TENM3: variants seen among roughly 807,000 people sequenced by gnomAD.
TENM3 encodes teneurin transmembrane protein 3, also known as teneurin-3.
TENM3 carries 63 observed loss-of-function variants against 255.1 expected under a neutral mutation model. The observed-to-expected ratio is 0.25, with a 90% CI of 0.20 to 0.30. TENM3 has a LOEUF of 0.30. TENM3 is among the 10% of genes least tolerant of loss of function. The pLI is 1.00. For missense variants in TENM3, 2,929 were observed against 3,461.1 expected, an observed-to-expected ratio of 0.85 and a Z score of 3.86; for synonymous variants, 1,306 against 1,322.3, an observed-to-expected ratio of 0.99 and a Z score of 0.27.
At chr4:182,327,084 T>C (rs1033838031) in intron 2 of TENM3, among the ~76,000 whole-genome samples, 1 of 152,194 alleles carries the variant, frequency 6.6e-6, no homozygotes, top group South Asian at 2.1e-4. Flanking sequence ...ATTATGTTTT[T>C]CTTGAGCAAG....
the TENM3 span, among the ~76,000 whole-genome samples, chr4:181,994,429 A>G: frequency 3.9e-5 from 6 of 152,166 alleles, no homozygotes; most frequent in Non-Finnish European, 8.8e-5. Flanking sequence ...GTCTGTCAGT[A>G]AAAAGACATA....
At chr4:182,538,963 C>T (rs1004580039) in intron 3 of TENM3, among the ~76,000 whole-genome samples, 2 of 151,684 alleles carry the variant, frequency 1.3e-5, no homozygotes, top group Non-Finnish European at 2.9e-5. Context: ...GATGTCAAGC[C>T]ACTAGATCTG....
chr4:182,644,700 ATTAT>A (rs922460944), intron 5 of TENM3, among the ~76,000 whole-genome samples: 1 of 152,198 alleles, frequency 6.6e-6, no homozygotes, highest in Non-Finnish European at 1.5e-5. Flanking sequence ...TTTTTTCTTA[ATTAT>A]TGGAAAAATC....
chr4:181,713,218 C>T, the TENM3 span, among the ~76,000 whole-genome samples: 1 of 152,160 alleles, frequency 6.6e-6, no homozygotes, highest in Non-Finnish European at 1.5e-5. Flanking sequence ...GAGTCACTTT[C>T]CATGGTCCCA....
chr4:182,748,663 T>C (rs1762172703), intron 19 of TENM3, among the ~76,000 whole-genome samples: 1 of 152,182 alleles, frequency 6.6e-6, no homozygotes, highest in Admixed American at 6.5e-5. Context: ...GATCCCTCTT[T>C]TCATTTAGGA....
Position 182,679,856 on chromosome 4 carries a change from C to T in TENM3, c.1517C>T (p.Ser506Phe). The stretch of plus-strand genomic sequence containing the variant: ...GATGGGAAAAATGCAGAGCAGGTGT[C>T]TTTTAATACCATTGTTATAGGTAAG... Reference protein sequence around the residue: ...YNDGKNAEQVSFNTIVIESVV... With the variant: ...YNDGKNAEQVFFNTIVIESVV... Residue 506 changes from serine (S) to phenylalanine (F), a missense_variant, in exon 8 of 28, where the codon TCT (serine) becomes TTT (phenylalanine). Coordinates refer to ENST00000511685, the MANE Select transcript of TENM3 (RefSeq NM_001080477.4). 6.2e-7 allele frequency: 1 copy of T among 1,611,250 alleles called. No individual in the cohort carries two copies. Among genetic ancestry groups the T allele is most frequent in the African/African-American group, 1.3e-5 (1 of 75,028 alleles).
At position 182,775,052 on chromosome 4, in the gene TENM3, A is replaced by G. The variant is rs1353017687; in HGVS notation, c.5203A>G (p.Asn1735Asp). Residue 1735 changes from asparagine to aspartate, a missense_variant, in exon 24 of 28, where the codon AAC becomes GAC. Asn to Asp is a conservative substitution (Grantham distance 23). Transcript: ENST00000511685. ...GTANPTVAKR[N>D]MTLPGENGQN... The stretch of plus-strand genomic sequence containing the variant: ...CGCTAATCCGACGGTTGCCAAAAGA[A>G]ACATGACTTTGCCTGGCGAGAACGG... 1 of 1,614,060 alleles carries G rather than the reference A, an allele frequency of 6.2e-7. No individual in the cohort carries two copies. The highest frequency in any genetic ancestry group is 1.7e-5 in the Admixed American group (1 of 60,032).
chr4:181,525,080 A>G, the TENM3 span, among the ~76,000 whole-genome samples: 1 of 152,204 alleles, frequency 6.6e-6, no homozygotes, highest in Non-Finnish European at 1.5e-5. Flanking sequence ...AAAACAGAAT[A>G]TCGAAAGTTT....
At chr4:181,477,063 A>AATTCATTCATTC in the TENM3 span, among the ~76,000 whole-genome samples, 2 of 150,154 alleles carry the variant, frequency 1.3e-5, no homozygotes, top group African/African-American at 4.9e-5. Context: ...AGGAAAACCC[A>AATTCATTCATTC]ATTCATTCAT....
At chr4:182,142,981 C>G, upstream of TENM3, 2 of 168,104 alleles carry the variant, frequency 1.2e-5, no homozygotes. Flanking sequence ...GGAGGGCTTT[C>G]CTGCAGACAG....
the TENM3 span, among the ~76,000 whole-genome samples, chr4:182,085,597 A>G: frequency 6.6e-6 from 1 of 152,140 alleles, no homozygotes; most frequent in African/African-American, 2.4e-5. Flanking sequence ...TCTTCAATTC[A>G]CACTTAAAAG....
intron 3 of TENM3, among the ~76,000 whole-genome samples, chr4:182,562,220 G>A (rs1404056597): frequency 6.6e-6 from 1 of 152,064 alleles, no homozygotes; most frequent in African/African-American, 2.4e-5. Context: ...TTTTAATTTT[G>A]AGCCACTATT....
chr4:181,725,450 C>A, the TENM3 span, among the ~76,000 whole-genome samples: 5 of 126,574 alleles, frequency 4.0e-5, no homozygotes, highest in African/African-American at 8.9e-5. Flanking sequence ...AAATCGCCAG[C>A]TTTCTTGTTT....
chr4:182,042,613 A>G, the TENM3 span, among the ~76,000 whole-genome samples: 1 of 152,244 alleles, frequency 6.6e-6, no homozygotes, highest in Non-Finnish European at 1.5e-5. Flanking sequence ...CTTTCTAAAT[A>G]AATTACAAAA....
At chr4:182,243,940 T>C (rs1334372874) in intron 1 of TENM3, among the ~76,000 whole-genome samples, 2 of 147,938 alleles carry the variant, frequency 1.4e-5, no homozygotes, top group African/African-American at 2.5e-5. Context: ...GAATCATTTG[T>C]GTTTTCTTTT....
At chr4:181,461,317 C>T in the TENM3 span, among the ~76,000 whole-genome samples, 2 of 151,808 alleles carry the variant, frequency 1.3e-5, no homozygotes, top group Non-Finnish European at 2.9e-5. Flanking sequence ...TTCTCTTTAT[C>T]GTTGCTATTT....
chr4:182,474,711 C>T (rs1396260707), intron 3 of TENM3, among the ~76,000 whole-genome samples: 1 of 152,182 alleles, frequency 6.6e-6, no homozygotes, highest in Non-Finnish European at 1.5e-5. Flanking sequence ...ACATAGAGTT[C>T]ATGCCTATTA....
intron 1 of TENM3, among the ~76,000 whole-genome samples, chr4:182,155,598 G>T (rs1442647767): frequency 1.3e-5 from 2 of 151,984 alleles, no homozygotes; most frequent in Non-Finnish European, 2.9e-5. Flanking sequence ...TTCATAATTG[G>T]TGTAAATGTA....
At chr4:181,948,908 T>C in the TENM3 span, among the ~76,000 whole-genome samples, 1 of 152,102 alleles carries the variant, frequency 6.6e-6, no homozygotes, top group Non-Finnish European at 1.5e-5. Context: ...TCAGCTAGTA[T>C]GCAGTAGGGG....
Sources: gnomAD v4.1 joint callset for allele counts (sites outside exome capture counted in the v4.1 genomes callset) on GRCh38, gnomAD v4.1.1 for gene constraint, MANE v1.5 for transcripts, NCBI Gene and HGNC (gene_info 2026-07-23, HGNC 2026-07-21) for gene names.